The following FAP variants were observed in gnomAD, a reference collection of about 807,000 sequenced individuals.
FAP encodes prolyl endopeptidase FAP.
Under a neutral mutation model 126.5 loss-of-function variants are expected in FAP, and 110 were observed. That is an observed-to-expected ratio of 0.87 (90% CI 0.74 to 1.02). The LOEUF is 1.02. FAP is among the 50% of genes least tolerant of loss of function. The probability of loss-of-function intolerance (pLI) is 0.00; values close to 1 mark genes in which losing one functional copy is unlikely to be tolerated. For missense variants in FAP, 919 were observed against 909.2 expected, an observed-to-expected ratio of 1.01 and a Z score of -0.14; for synonymous variants, 334 against 297.3, an observed-to-expected ratio of 1.12 and a Z score of -1.27.
At chr2:162,195,618 G>A (rs1688226479) in intron 16 of FAP, among the ~76,000 whole-genome samples, 1 of 152,002 alleles carries the variant, frequency 6.6e-6, no homozygotes, top group Non-Finnish European at 1.5e-5. Flanking sequence ...CTGAAGATGG[G>A]GATGAAGGGA....
At chr2:162,204,302 T>C (rs545774102) in intron 12 of FAP, among the ~76,000 whole-genome samples, 2 of 152,334 alleles carry the variant, frequency 1.3e-5, no homozygotes, top group Admixed American at 1.3e-4. Context: ...TAATTATAAC[T>C]GTGTGACATT....
At position 162,210,138 on chromosome 2, in the gene FAP, G is replaced by T. The variant is rs1576171466; in HGVS notation, c.1003-142C>A. The T allele has an allele frequency of 2.3e-5, 15 of 660,098 alleles. No individual in the cohort carries two copies. In the East Asian group the frequency reaches 4.1e-4, roughly 18 times the overall value. 40.9% of individuals were successfully genotyped at this position (660,098 alleles called of 1,614,324 possible). ...ACTAACTTCAAATTTGAGTTTAAAA[G>T]GACAATATTAAAAATCTCATATAAC... On this transcript the variant is annotated intron_variant, in intron 11 of 25. Coordinates refer to ENST00000188790, the MANE Select transcript of FAP (RefSeq NM_004460.5).
chr2:162,236,301 T>C (rs964104750), intron 2 of FAP, among the ~76,000 whole-genome samples: 5 of 152,204 alleles, frequency 3.3e-5, no homozygotes, highest in Non-Finnish European at 7.3e-5. Context: ...ATTATAGTAA[T>C]GCGGGTAATA....
chr2:162,228,124 A>T (rs1689733287), intron 2 of FAP, among the ~76,000 whole-genome samples: 1 of 152,170 alleles, frequency 6.6e-6, no homozygotes, highest in Non-Finnish European at 1.5e-5. Flanking sequence ...ACAGGCATCT[A>T]ATAAATAGTT....
chr2:162,173,370 A>G, intron 23 of FAP, 149 bp from the exon 24 acceptor site: 1 of 659,052 alleles, frequency 1.5e-6, no homozygotes, highest in Non-Finnish European at 2.7e-6. Flanking sequence ...ACACATTTTC[A>G]TCATCATTTG....
chr2:162,198,123 G>A, intron 16 of FAP: 1 of 1,213,876 alleles, frequency 8.2e-7, no homozygotes, highest in Non-Finnish European at 1.1e-6. Context: ...AAACAACCAG[G>A]AAATGTTTTG....
At chr2:162,198,439 G>A (rs1179064532) in intron 16 of FAP, 5 of 1,011,076 alleles carry the variant, frequency 4.9e-6, no homozygotes, top group Non-Finnish European at 1.3e-6. Context: ...CGCAGTCTTA[G>A]TGCTGTGGAA....
chr2:162,228,859 G>A (rs1387919473), intron 2 of FAP, among the ~76,000 whole-genome samples: 1 of 152,068 alleles, frequency 6.6e-6, no homozygotes, highest in African/African-American at 2.4e-5. Flanking sequence ...GTTGCAATCT[G>A]ATTCTAATGT....
At chr2:162,241,179 T>C (rs1690330087) in intron 2 of FAP, among the ~76,000 whole-genome samples, 1 of 152,218 alleles carries the variant, frequency 6.6e-6, no homozygotes, top group African/African-American at 2.4e-5. Context: ...CAAATTTCAC[T>C]GAGTACTTGA....
Position 162,171,068 on chromosome 2 carries a change from G to A in FAP, c.2194C>T (p.Gln732Ter). 1 of 1,612,720 alleles carries A rather than the reference G, an allele frequency of 6.2e-7. No homozygotes were observed. The highest frequency in any genetic ancestry group is 1.1e-5 in the South Asian group (1 of 91,034). Residue 732 changes from glutamine (Q) to a stop codon, truncating the protein, a stop_gained, in exon 26 of 26, where the codon CAG becomes TAG. Coordinates refer to ENST00000188790, the MANE Select transcript of FAP (RefSeq NM_004460.5). LOFTEE classifies it high-confidence loss of function. ...VDFQAMWYSD[Q>*]NHGLSGLSTN... ...GACAGGCCGGATAAGCCGTGGTTCT[G>A]GTCAGAGTACCACTGAAACACAAAG...
intron 9 of FAP, among the ~76,000 whole-genome samples, chr2:162,216,232 A>C (rs564802869): frequency 6.6e-6 from 1 of 152,306 alleles, no homozygotes; most frequent in South Asian, 2.1e-4. Context: ...CTGCCTAATG[A>C]GAGAGCTTTA....
intron 2 of FAP, among the ~76,000 whole-genome samples, chr2:162,230,868 C>T (rs548248156): frequency 6.6e-6 from 1 of 152,080 alleles, no homozygotes; most frequent in Non-Finnish European, 1.5e-5. Context: ...CTATTTTGCT[C>T]AATGCACTCC....
At chr2:162,176,993 C>A (rs756385244) in intron 21 of FAP, among the ~76,000 whole-genome samples, 1 of 152,048 alleles carries the variant, frequency 6.6e-6, no homozygotes, top group Non-Finnish European at 1.5e-5. Flanking sequence ...AGAAGGTGTA[C>A]TTTAAATTCT....
chr2:162,230,833 T>C (rs1274556894), intron 2 of FAP, among the ~76,000 whole-genome samples: 1 of 152,082 alleles, frequency 6.6e-6, no homozygotes, highest in African/African-American at 2.4e-5. Flanking sequence ...AGGTTCAGAA[T>C]CTCAATTTAA....
At chr2:162,211,135 G>A (rs1477515775) in intron 11 of FAP, among the ~76,000 whole-genome samples, 1 of 152,062 alleles carries the variant, frequency 6.6e-6, no homozygotes. Flanking sequence ...CTACTTTTAG[G>A]CCTAGCCCAT....
chr2:162,217,986 C>T lies in FAP; in HGVS notation c.762G>A (p.Lys254=). 2.5e-6 allele frequency: 4 copies of T among 1,570,650 alleles called. No individual in the cohort carries two copies. The highest frequency in any genetic ancestry group is 3.5e-6 in the Non-Finnish European group (4 of 1,159,230). Residue 254 remains lysine (K), a splice_region_variant and synonymous_variant, in exon 9 of 26, where the codon AAG becomes AAA. Transcript: ENST00000188790. ...YPRTINIPYP[K]AGAKNPVVRI... ...GCATCGCTGAAAGTATTCAACATAC[C>T]TTTGGGTATGGAATATTTATTGTTC... is the stretch of plus-strand genomic sequence containing the variant.
At chr2:162,171,962 T>C (rs1687319606) in intron 25 of FAP, 1 of 152,110 alleles carries the variant, frequency 6.6e-6, no homozygotes, top group Non-Finnish European at 1.5e-5. Context: ...ATACAATCAA[T>C]TATCATTGAC....
intron 2 of FAP, among the ~76,000 whole-genome samples, chr2:162,231,775 T>C (rs1214645779): frequency 6.6e-6 from 1 of 152,240 alleles, no homozygotes. Context: ...GATTGTCTAG[T>C]ACTGAAAAAT....
chr2:162,221,226 G>C (rs1407940663), intron 6 of FAP, among the ~76,000 whole-genome samples: 3 of 152,070 alleles, frequency 2.0e-5, no homozygotes, highest in Non-Finnish European at 4.4e-5. Flanking sequence ...ATGTTGAAAG[G>C]GATGCAAGAG....
Sources: allele counts gnomAD v4.1 joint callset (sites outside exome capture counted in the v4.1 genomes callset), GRCh38; gene constraint gnomAD v4.1.1; transcripts MANE v1.5; gene names NCBI Gene and HGNC (gene_info 2026-07-23, HGNC 2026-07-21).